The following SLCO6A1 variants were observed in gnomAD, a reference collection of about 807,000 sequenced individuals.
SLCO6A1 encodes the protein solute carrier organic anion transporter family member 6A1.
A neutral mutation model predicts 72.7 loss-of-function variants in SLCO6A1; 65 were observed. The ratio of observed to expected loss-of-function variants is 0.89; its 90% CI spans 0.73 to 1.10. SLCO6A1 has a LOEUF of 1.10. SLCO6A1 is among the 50% of genes least tolerant of loss of function. The probability of loss-of-function intolerance (pLI) is 0.00; values close to 1 mark genes in which losing one functional copy is unlikely to be tolerated. For synonymous variants in SLCO6A1, 314 were observed against 298.2 expected, an observed-to-expected ratio of 1.05 and a Z score of -0.55; for missense variants, 874 against 872.6, an observed-to-expected ratio of 1.00 and a Z score of -0.02.
At position 102,425,296 on chromosome 5, in the gene SLCO6A1, A is replaced by G. The variant is rs191069993; in HGVS notation, c.1277-5275T>C. On this transcript the variant is annotated intron_variant, in intron 7 of 13. Transcript: ENST00000506729. ...GTGATTAGGCAAGAGAAAGAAATAA[A>G]GCGTATTCAAATAGGAAGAGAGGAA... Among the ~76,000 whole-genome samples the G allele has an allele frequency of 9.9e-5, 15 of 152,282 alleles. No homozygotes were observed. In the East Asian group the frequency reaches 2.9e-3, roughly 29 times the overall value.
intron 10 of SLCO6A1, among the ~76,000 whole-genome samples, chr5:102,393,055 C>T (rs956683917): frequency 1.3e-5 from 2 of 152,040 alleles, no homozygotes; most frequent in East Asian, 3.9e-4. Flanking sequence ...CCAATACTGT[C>T]ATTAAAAAAT....
At chr5:102,402,317 A>G (rs1747443256) in intron 9 of SLCO6A1, among the ~76,000 whole-genome samples, 2 of 152,176 alleles carry the variant, frequency 1.3e-5, no homozygotes, top group Admixed American at 1.3e-4. Context: ...AAAGAATGCC[A>G]GTGAACCAGG....
intron 12 of SLCO6A1, among the ~76,000 whole-genome samples, chr5:102,379,640 A>G (rs890535614): frequency 2.0e-5 from 3 of 152,048 alleles, no homozygotes; most frequent in Admixed American, 6.6e-5. Flanking sequence ...ACCACATTGT[A>G]TTAATTATTA....
chr5:102,410,318 C>T (rs1047397839), intron 9 of SLCO6A1, among the ~76,000 whole-genome samples: 1 of 152,134 alleles, frequency 6.6e-6, no homozygotes, highest in Non-Finnish European at 1.5e-5. Context: ...GGTCATCCTT[C>T]ATTGCTCCAT....
At chr5:102,466,769 A>C (rs1751334925) in intron 4 of SLCO6A1, among the ~76,000 whole-genome samples, 1 of 152,076 alleles carries the variant, frequency 6.6e-6, no homozygotes. Flanking sequence ...TCTAATGATT[A>C]GTGATGTTGA....
chr5:102,485,293 TAA>T (rs148761061), intron 1 of SLCO6A1, among the ~76,000 whole-genome samples: 1 of 119,702 alleles, frequency 8.4e-6, no homozygotes, highest in African/African-American at 3.8e-5. Context: ...AATAAATAAA[TAA>T]AATAAAATAA....
At chr5:102,463,862 G>A (rs1296849005) in intron 4 of SLCO6A1, among the ~76,000 whole-genome samples, 1 of 150,984 alleles carries the variant, frequency 6.6e-6, no homozygotes, top group Non-Finnish European at 1.5e-5. Flanking sequence ...CTCCAGCCTG[G>A]GCGACAAGAG....
chr5:102,491,190 G>A (rs1752660606), intron 1 of SLCO6A1, among the ~76,000 whole-genome samples: 1 of 152,186 alleles, frequency 6.6e-6, no homozygotes, highest in Admixed American at 6.5e-5. Context: ...CAAACCCTGA[G>A]CTAGACCCAG....
chr5:102,407,188 C>T (rs1335600838), intron 9 of SLCO6A1, among the ~76,000 whole-genome samples: 1 of 152,194 alleles, frequency 6.6e-6, no homozygotes, highest in Non-Finnish European at 1.5e-5. Flanking sequence ...TTGCCATTGC[C>T]ATGGCGACAG....
intron 7 of SLCO6A1, among the ~76,000 whole-genome samples, chr5:102,434,222 T>C (rs1220624530): frequency 6.6e-6 from 1 of 152,144 alleles, no homozygotes; most frequent in Non-Finnish European, 1.5e-5. Context: ...ATAAGGATAG[T>C]ATTTCCACGT....
At chr5:102,474,439 C>T (rs1220522745) in intron 4 of SLCO6A1, among the ~76,000 whole-genome samples, 3 of 151,902 alleles carry the variant, frequency 2.0e-5, no homozygotes, top group Non-Finnish European at 4.4e-5. Context: ...ATGGATTAGA[C>T]ATCTAAACAC....
intron 7 of SLCO6A1, among the ~76,000 whole-genome samples, chr5:102,435,799 T>G (rs1263274887): frequency 6.6e-6 from 1 of 150,696 alleles, no homozygotes; most frequent in Non-Finnish European, 1.5e-5. Context: ...CGCTTGAACC[T>G]GGGAGGTGGA....
chr5:102,467,861 C>A (rs879367997), intron 4 of SLCO6A1, among the ~76,000 whole-genome samples: 5 of 151,926 alleles, frequency 3.3e-5, no homozygotes, highest in East Asian at 1.9e-4. Context: ...TTATTTCTTT[C>A]CTTCTGCTGG....
chr5:102,372,289 A>G (rs1363495006), intron 13 of SLCO6A1, among the ~76,000 whole-genome samples, 166 bp from the exon 14 acceptor site: 1 of 152,032 alleles, frequency 6.6e-6, no homozygotes, highest in African/African-American at 2.4e-5. Context: ...GCTAGCCACG[A>G]CCATGAATAG....
intron 12 of SLCO6A1, among the ~76,000 whole-genome samples, chr5:102,377,270 T>C (rs62369306): frequency 0.025 from 3,836 of 152,212 alleles, 76 homozygotes; most frequent in Non-Finnish European, 0.04. Flanking sequence ...TATTCACAAA[T>C]TGAAATAGTA....
chr5:102,442,602 C>T (rs79955212), intron 6 of SLCO6A1, among the ~76,000 whole-genome samples: 8 of 152,126 alleles, frequency 5.3e-5, no homozygotes, highest in South Asian at 4.1e-4. Context: ...AAACACAGAT[C>T]GCAGCTCCTA....
At chr5:102,446,619 C>A (rs1014265151) in intron 6 of SLCO6A1, among the ~76,000 whole-genome samples, 32 of 152,154 alleles carry the variant, frequency 2.1e-4, no homozygotes, top group Non-Finnish European at 1.6e-4. Context: ...TGAGAGAGGG[C>A]ATCCTTGTCT....
chr5:102,476,709 T>C (rs1751917486), intron 3 of SLCO6A1, among the ~76,000 whole-genome samples: 1 of 151,970 alleles, frequency 6.6e-6, no homozygotes, highest in Non-Finnish European at 1.5e-5. Flanking sequence ...TGAAATATAT[T>C]TAATATAACT....
chr5:102,392,434 A>G (rs1001241226), intron 10 of SLCO6A1, among the ~76,000 whole-genome samples: 2 of 152,050 alleles, frequency 1.3e-5, no homozygotes, highest in Non-Finnish European at 1.5e-5. Flanking sequence ...TTTATTTAGC[A>G]TAAGTAATTT....
Sources: gnomAD v4.1 joint callset for allele counts (sites outside exome capture counted in the v4.1 genomes callset) on GRCh38, gnomAD v4.1.1 for gene constraint, MANE v1.5 for transcripts, NCBI Gene and HGNC (gene_info 2026-07-23, HGNC 2026-07-21) for gene names.